Variants in DEPDC5 observed in about 807,000 individuals in gnomAD.
The protein encoded by DEPDC5 is GATOR1 complex protein DEPDC5.
Under a neutral mutation model 217.3 loss-of-function variants are expected in DEPDC5, and 73 were observed. That is an observed-to-expected ratio of 0.34 (90% CI 0.28 to 0.41). The LOEUF (loss-of-function observed/expected upper bound fraction) is 0.41, where lower values mean the gene tolerates loss of function less well. DEPDC5 is among the 10% of genes least tolerant of loss of function. The pLI is 1.00. For missense variants in DEPDC5, 1,675 were observed against 2,070.1 expected, an observed-to-expected ratio of 0.81 and a Z score of 3.70; for synonymous variants, 733 against 756.7, an observed-to-expected ratio of 0.97 and a Z score of 0.51.
rs1047051444 is a variant in DEPDC5, at chr22:31,771,009, C to G, written c.413+2146C>G. ...TGTTGGCCAGGCTGGTCTCAAACTCCTGATCTCAGGTGATCCCGCCTCCTC... is the reference window on the plus strand; with the variant it reads ...TGTTGGCCAGGCTGGTCTCAAACTCGTGATCTCAGGTGATCCCGCCTCCTC... On this transcript the variant is annotated intron_variant, in intron 7 of 42. Coordinates refer to ENST00000651528, the MANE Select transcript of DEPDC5 (RefSeq NM_001242896.3). Among the ~76,000 whole-genome samples the G allele has an allele frequency of 2.0e-5, 3 of 152,208 alleles. No homozygotes were observed. In the East Asian group the frequency reaches 5.8e-4, roughly 29 times the overall value.
intron 33 of DEPDC5, among the ~76,000 whole-genome samples, chr22:31,867,356 G>A (rs571370593): frequency 6.8e-4 from 103 of 152,326 alleles, no homozygotes; most frequent in Non-Finnish European, 1.2e-3. Flanking sequence ...GCCAAATTCA[G>A]CTCTGAACCT....
At chr22:31,843,233 A>T in intron 28 of DEPDC5, 21 bp downstream of exon 28, 2 of 1,608,000 alleles carry the variant, frequency 1.2e-6, no homozygotes, top group Middle Eastern at 1.7e-4. Context: ...GGATATTTAA[A>T]GTCTTCAGTT....
chr22:31,783,993 G>A lies in DEPDC5; in HGVS notation c.562+8G>A. 6.2e-7 allele frequency: 1 copy of A among 1,610,086 alleles called. No homozygotes were observed. The highest frequency in any genetic ancestry group is 8.5e-7 in the Non-Finnish European group (1 of 1,178,386). On this transcript the variant is annotated splice_region_variant and intron_variant, in intron 9 of 42. Coordinates refer to ENST00000651528, the MANE Select transcript of DEPDC5 (RefSeq NM_001242896.3). ...GGGATTTTGATATTTATGGTACTGT[G>A]TCTATGTGCTGATTGTAACTGCTAA...
chr22:31,900,745 G>GA (rs940651237), intron 40 of DEPDC5, among the ~76,000 whole-genome samples: 12 of 143,882 alleles, frequency 8.3e-5, no homozygotes, highest in South Asian at 4.4e-4. Context: ...CTCTCAAAAA[G>GA]AAAAAAAAAA....
At chr22:31,865,231 A>G (rs111535532) in intron 33 of DEPDC5, among the ~76,000 whole-genome samples, 3,341 of 152,162 alleles carry the variant, frequency 0.022, 39 homozygotes, top group Middle Eastern at 0.034. Flanking sequence ...CAGCCCACGC[A>G]TGTAATCCCA....
chr22:31,804,324 C>A, intron 16 of DEPDC5, 101 bp downstream of exon 16: 2 of 1,154,632 alleles, frequency 1.7e-6, no homozygotes, highest in South Asian at 1.3e-5. Context: ...CCCACTTACT[C>A]GAGAGGCTGA....
At chr22:31,763,698 T>C (rs1241993604) in intron 4 of DEPDC5, among the ~76,000 whole-genome samples, 2 of 151,678 alleles carry the variant, frequency 1.3e-5, no homozygotes, top group Non-Finnish European at 2.9e-5. Context: ...CCTCCTAAAG[T>C]GCTAGGATTA....
At chr22:31,875,112 T>C (rs1453208572) in intron 36 of DEPDC5, 1 of 163,016 alleles carries the variant, frequency 6.1e-6, no homozygotes, top group Non-Finnish European at 1.5e-5. Flanking sequence ...CAGTACTGTT[T>C]CCTTACCAGC....
chr22:31,810,592 G>C lies in DEPDC5; in HGVS notation c.1396G>C (p.Val466Leu). 6.2e-7 allele frequency: 1 copy of C among 1,614,198 alleles called. No individual in the cohort carries two copies. Residue 466 changes from valine to leucine, a missense_variant, in exon 20 of 43, where the codon GTG (valine) becomes CTG (leucine). Around this residue, in one of 11 missense-constraint regions of DEPDC5, gnomAD observed 628 missense variants for 762.1 expected, o/e 0.82. Transcript: ENST00000651528. ...QVDYDAYDAQ[V>L]FRLPGPSRAQ... The stretch of plus-strand genomic sequence containing the variant: ...AGATTATGACGCCTATGACGCTCAA[G>C]TGTTCAGGCTGCCCGGCCCATCCCG...
At chr22:31,880,637 C>T (rs1422008901) in intron 38 of DEPDC5, among the ~76,000 whole-genome samples, 8 of 152,220 alleles carry the variant, frequency 5.3e-5, no homozygotes, top group African/African-American at 1.2e-4. Flanking sequence ...CGGTGGCCCA[C>T]GCCTGTAATC....
chr22:31,774,479 G>A lies in DEPDC5; in HGVS notation c.414-3620G>A, dbSNP rs189759732. ...CTCCCAAAGTGATGGGATTACAGGC[G>A]TGAGCCACCACCTCCAGCCACACCA... On this transcript the variant is annotated intron_variant, in intron 7 of 42. Coordinates refer to ENST00000651528, the MANE Select transcript of DEPDC5 (RefSeq NM_001242896.3). Among the ~76,000 whole-genome samples the A allele has an allele frequency of 4.6e-3, 704 of 151,494 alleles. 4 individuals carry two copies. The highest frequency in any genetic ancestry group is 6.6e-3 in the Non-Finnish European group (448 of 67,806).
intron 38 of DEPDC5, among the ~76,000 whole-genome samples, chr22:31,888,631 C>T (rs1373046411): frequency 5.9e-5 from 9 of 152,206 alleles, no homozygotes; most frequent in Admixed American, 2.0e-4. Flanking sequence ...CTTGCTGCAG[C>T]GTCAACCTTC....
At chr22:31,861,531 T>A in intron 33 of DEPDC5, 98 bp downstream of exon 33, 1 of 1,295,056 alleles carries the variant, frequency 7.7e-7, no homozygotes, top group Non-Finnish European at 1.1e-6. Context: ...GGGCTGCAAC[T>A]AAGTTTGGGG....
intron 10 of DEPDC5, among the ~76,000 whole-genome samples, chr22:31,789,330 G>A (rs1005215534): frequency 6.6e-5 from 10 of 152,244 alleles, no homozygotes; most frequent in Admixed American, 6.5e-5. Flanking sequence ...ACTAACACAT[G>A]CTACAGCATA....
chr22:31,776,635 A>G (rs1221519318), intron 7 of DEPDC5, among the ~76,000 whole-genome samples: 1 of 136,572 alleles, frequency 7.3e-6, no homozygotes, highest in Non-Finnish European at 1.5e-5. Context: ...GGAGTGCAAT[A>G]ACACGATCTT....
At position 31,868,869 on chromosome 22, in the gene DEPDC5, C is replaced by T. The variant is rs116656990; in HGVS notation, c.3331-1721C>T. Among the ~76,000 whole-genome samples the T allele has an allele frequency of 6.1e-3, 929 of 152,310 alleles. 16 individuals carry two copies. Among genetic ancestry groups the T allele is most frequent in the African/African-American group, 0.021 (869 of 41,560 alleles). On this transcript the variant is annotated intron_variant, in intron 33 of 42. Coordinates refer to ENST00000651528, the MANE Select transcript of DEPDC5 (RefSeq NM_001242896.3). ...AATTGCTCTAAAAGACTTAGTCATTCTCTTCATATACTTGCTCTGGGTATA... is the reference window on the plus strand; with the variant it reads ...AATTGCTCTAAAAGACTTAGTCATTTTCTTCATATACTTGCTCTGGGTATA...
intron 11 of DEPDC5, 132 bp from the exon 12 acceptor site, chr22:31,792,605 CAAAAAAAA>C (rs61603320): frequency 4.5e-4 from 69 of 154,092 alleles, no homozygotes; most frequent in African/African-American, 1.1e-3. Flanking sequence ...GACCTTGTCT[CAAAAAAAA>C]AAAAAAAAAA....
intron 5 of DEPDC5, 41 bp downstream of exon 5, chr22:31,765,101 G>A: frequency 6.7e-7 from 1 of 1,488,524 alleles, no homozygotes; most frequent in Admixed American, 1.7e-5. Context: ...TTTGGAATAA[G>A]CACCCTTCCT....
chr22:31,870,726 C>A lies in DEPDC5; in HGVS notation c.3467C>A (p.Thr1156Lys). ...QNIGEQGYSS[T>K]NSSDSSSQQL... ...ATAGGAGAACAGGGCTACTCCTCCA[C>A]AAACTCCAGTGACAGCAGGTGAGAT... Residue 1156 changes from threonine (T) to lysine (K), a missense_variant, in exon 34 of 43, where the codon ACA becomes AAA. Physicochemically the swap from Thr to Lys is moderately conservative, Grantham distance 78. Transcript: ENST00000651528. 2 of 1,579,576 alleles carry A rather than the reference C, an allele frequency of 1.3e-6. No homozygotes were observed. The highest frequency in any genetic ancestry group is 1.7e-6 in the Non-Finnish European group (2 of 1,165,694).
Sources: allele counts gnomAD v4.1 joint callset (sites outside exome capture counted in the v4.1 genomes callset), GRCh38; gene constraint gnomAD v4.1.1; regional missense constraint gnomAD v4.1.1; transcripts MANE v1.5; gene names NCBI Gene and HGNC (gene_info 2026-07-23, HGNC 2026-07-21).